The following EBF1 variants were observed in gnomAD, a reference collection of about 807,000 sequenced individuals.
The protein encoded by EBF1 is EBF transcription factor 1, also known as transcription factor COE1.
EBF1 carries 10 observed loss-of-function variants against 68.4 expected under a neutral mutation model. The ratio of observed to expected loss-of-function variants is 0.15; its 90% CI spans 0.09 to 0.25. The LOEUF (loss-of-function observed/expected upper bound fraction) is 0.25. EBF1 is among the 10% of genes least tolerant of loss of function. EBF1 has a pLI of 1.00. For synonymous variants in EBF1, 298 were observed against 299.8 expected (o/e 0.99, Z 0.06); for missense variants, 509 against 794.4 (o/e 0.64, Z 4.32).
chr5:158,989,344 G>T (rs1487994939), intron 6 of EBF1, among the ~76,000 whole-genome samples: 1 of 152,204 alleles, frequency 6.6e-6, no homozygotes, highest in African/African-American at 2.4e-5. Context: ...AGGCTGCTAG[G>T]GTGGGAGATT....
At chr5:158,839,610 TAAACTC>T (rs1199881492) in intron 7 of EBF1, among the ~76,000 whole-genome samples, 4 of 152,110 alleles carry the variant, frequency 2.6e-5, no homozygotes, top group Admixed American at 2.0e-4. Context: ...CTTGAACTCT[TAAACTC>T]AAACAATCTG....
At chr5:159,096,664 C>T (rs1302414493) in intron 2 of EBF1, 3 of 605,598 alleles carry the variant, frequency 5.0e-6, no homozygotes, top group South Asian at 2.0e-5. Flanking sequence ...GCTCGTGCCC[C>T]GGCCACCAGA....
At chr5:158,810,744 C>T (rs1002222699) in intron 8 of EBF1, among the ~76,000 whole-genome samples, 11 of 152,192 alleles carry the variant, frequency 7.2e-5, no homozygotes, top group African/African-American at 2.7e-4. Flanking sequence ...GTTCTGCTTT[C>T]ATGCTTAGCG....
chr5:159,068,395 ATG>A (rs1561936110), intron 6 of EBF1, among the ~76,000 whole-genome samples: 13 of 143,660 alleles, frequency 9.0e-5, no homozygotes, highest in Admixed American at 2.3e-4. Context: ...GGATGGATGG[ATG>A]GATGGATGGA....
chr5:158,735,601 G>A (rs1465980074), intron 10 of EBF1, among the ~76,000 whole-genome samples: 2 of 152,172 alleles, frequency 1.3e-5, no homozygotes, highest in Admixed American at 1.3e-4. Context: ...CAGCTATGAT[G>A]TGATACTGGG....
At chr5:158,750,719 T>C (rs1281824161) in intron 10 of EBF1, among the ~76,000 whole-genome samples, 1 of 151,986 alleles carries the variant, frequency 6.6e-6, no homozygotes, top group Non-Finnish European at 1.5e-5. Context: ...AAAAGCATTA[T>C]ATGAAAAAAT....
intron 8 of EBF1, among the ~76,000 whole-genome samples, chr5:158,803,311 T>C (rs779716099): frequency 5.3e-5 from 8 of 151,728 alleles, no homozygotes; most frequent in Non-Finnish European, 8.8e-5. Flanking sequence ...AGCGCACAGA[T>C]ATCTCTTCCT....
intron 4 of EBF1, among the ~76,000 whole-genome samples, chr5:159,095,414 G>A (rs996713206): frequency 6.6e-6 from 1 of 152,120 alleles, no homozygotes; most frequent in Non-Finnish European, 1.5e-5. Context: ...TCCCTTGGAG[G>A]GACGCGCGCG....
chr5:158,711,660 G>A (rs1430067936), intron 14 of EBF1, among the ~76,000 whole-genome samples: 2 of 151,296 alleles, frequency 1.3e-5, no homozygotes, highest in African/African-American at 2.4e-5. Flanking sequence ...TGTTTATGGG[G>A]GTTTTTTTGT....
intron 7 of EBF1, among the ~76,000 whole-genome samples, chr5:158,834,705 G>A (rs1323792384): frequency 6.6e-6 from 1 of 152,194 alleles, no homozygotes; most frequent in Non-Finnish European, 1.5e-5. Context: ...GAGTTTGCTT[G>A]ACAGAATGTC....
At chr5:158,892,791 CA>C (rs1044934010) in intron 6 of EBF1, among the ~76,000 whole-genome samples, 1 of 151,880 alleles carries the variant, frequency 6.6e-6, no homozygotes, top group African/African-American at 2.4e-5. Flanking sequence ...AGACATTTTA[CA>C]AAAAAAGAAA....
At chr5:158,955,978 C>T (rs1415476430) in intron 6 of EBF1, among the ~76,000 whole-genome samples, 1 of 151,652 alleles carries the variant, frequency 6.6e-6, no homozygotes, top group Non-Finnish European at 1.5e-5. Context: ...TTATTTGTTA[C>T]AAGCTCCTGC....
At chr5:159,097,503 A>C (rs1782862560) in intron 1 of EBF1, 1 of 286,022 alleles carries the variant, frequency 3.5e-6, no homozygotes, top group South Asian at 8.5e-5. Context: ...AGTAGAACCC[A>C]CAGTTATATT....
Position 158,920,638 on chromosome 5 carries a change from G to C in EBF1, c.555-80528C>G, listed in dbSNP as rs144894498. Among the ~76,000 whole-genome samples, 885 of 152,174 alleles carry C rather than the reference G, an allele frequency of 5.8e-3. 13 individuals carry two copies. The highest frequency in any genetic ancestry group is 0.02 in the African/African-American group (847 of 41,506). On this transcript the variant is annotated intron_variant, in intron 6 of 15. Transcript: ENST00000313708. ...CTGTTGCCCAGCCTGGAGTGCAGTG[G>C]TGCAATCATAGCTCACTGCAGCCTG...
At position 158,817,806 on chromosome 5, in the gene EBF1, G is replaced by C. The variant is rs148242865; in HGVS notation, c.778+5370C>G. On this transcript the variant is annotated intron_variant, in intron 8 of 15. Coordinates refer to ENST00000313708, the MANE Select transcript of EBF1 (RefSeq NM_024007.5). The stretch of plus-strand genomic sequence containing the variant: ...CACATCATATATTCTGTGAAGACAA[G>C]GACTGAGTCTGCATTATCCTACTGC... Among the ~76,000 whole-genome samples, 10 of 152,268 alleles carry C rather than the reference G, an allele frequency of 6.6e-5. No individual in the cohort carries two copies. The East Asian group carries it at 1.9e-3, about 29-fold the overall frequency.
chr5:158,853,524 T>C (rs1425075222), intron 6 of EBF1, among the ~76,000 whole-genome samples: 1 of 152,170 alleles, frequency 6.6e-6, no homozygotes, highest in Non-Finnish European at 1.5e-5. Flanking sequence ...TATTCCACCT[T>C]GTAGAGATCA....
chr5:158,909,382 A>G (rs1367705313), intron 6 of EBF1, among the ~76,000 whole-genome samples: 1 of 152,210 alleles, frequency 6.6e-6, no homozygotes. Context: ...ATGCCAAACA[A>G]TAAGGGCTTA....
At chr5:159,044,439 A>G (rs1771907678) in intron 6 of EBF1, among the ~76,000 whole-genome samples, 1 of 152,176 alleles carries the variant, frequency 6.6e-6, no homozygotes, top group Non-Finnish European at 1.5e-5. Flanking sequence ...AACCAAAACT[A>G]TAAAGTGTGT....
chr5:158,915,929 C>T (rs999956181), intron 6 of EBF1, among the ~76,000 whole-genome samples: 9 of 152,154 alleles, frequency 5.9e-5, no homozygotes, highest in Admixed American at 3.9e-4. Flanking sequence ...AGAACCTTCA[C>T]GTGTGGGAGT....
Sources: allele counts gnomAD v4.1 joint callset (sites outside exome capture counted in the v4.1 genomes callset), GRCh38; gene constraint gnomAD v4.1.1; transcripts MANE v1.5; gene names NCBI Gene and HGNC (gene_info 2026-07-23, HGNC 2026-07-21).